The following CFAP44 variants were observed in gnomAD, a reference collection of about 807,000 sequenced individuals.
The protein encoded by CFAP44 is cilia and flagella associated protein 44.
In CFAP44, 134 loss-of-function variants were observed where a neutral mutation model predicts 216.2. The ratio of observed to expected loss-of-function variants is 0.62; its 90% CI spans 0.54 to 0.72. The LOEUF (loss-of-function observed/expected upper bound fraction) is 0.72. Among genes scored for constraint, CFAP44 ranks in the 30% least tolerant of loss-of-function variants. CFAP44 has a pLI of 0.00. For missense variants in CFAP44, 2,035 were observed against 2,182.1 expected, an observed-to-expected ratio of 0.93 and a Z score of 1.34; for synonymous variants, 700 against 727.6, an observed-to-expected ratio of 0.96 and a Z score of 0.61.
chr3:113,422,497 G>A lies in CFAP44; in HGVS notation c.408-2318C>T, dbSNP rs116172873. Among the ~76,000 whole-genome samples the A allele has an allele frequency of 8.9e-3, 1,356 of 152,202 alleles. 18 individuals are homozygous for A. The highest frequency in any genetic ancestry group is 0.03 in the African/African-American group (1,264 of 41,514). ...AAAGAGAGAGATAAAGCATTTCAGG[G>A]TACTGGATCTGTTCAAGAAAAAGAA... On this transcript the variant is annotated intron_variant, in intron 4 of 34. Transcript: ENST00000393845.
In CFAP44 at chr3:113,315,290, T is replaced by C. The variant is rs574024569; in HGVS notation, c.4517-7022A>G. Among the ~76,000 whole-genome samples, 10 of 152,254 alleles carry C rather than the reference T, an allele frequency of 6.6e-5. No individual in the cohort carries two copies. In the East Asian group the frequency reaches 1.9e-3, roughly 29 times the overall value. On this transcript the variant is annotated intron_variant, in intron 28 of 34. Coordinates refer to ENST00000393845, the MANE Select transcript of CFAP44 (RefSeq NM_001164496.2). Reference sequence around the variant, plus strand: ...CAAAGCAGGAGCAGCTATATTAATGTCAGACAAATAGACTTTAGAGCAAAG... The same window carrying C: ...CAAAGCAGGAGCAGCTATATTAATGCCAGACAAATAGACTTTAGAGCAAAG...
chr3:113,349,427 G>A (rs760953032), intron 22 of CFAP44, among the ~76,000 whole-genome samples: 5 of 152,162 alleles, frequency 3.3e-5, no homozygotes, highest in African/African-American at 9.7e-5. Context: ...AAGGAAAAGC[G>A]AGATCAGAGA....
At chr3:113,429,896 G>GT (rs1221361701) in intron 2 of CFAP44, among the ~76,000 whole-genome samples, 1 of 152,010 alleles carries the variant, frequency 6.6e-6, no homozygotes, top group Non-Finnish European at 1.5e-5. Flanking sequence ...ATAGTAACAC[G>GT]TATCTTTCAG....
At chr3:113,403,202 C>T (rs2107362922) in intron 9 of CFAP44, among the ~76,000 whole-genome samples, 1 of 152,254 alleles carries the variant, frequency 6.6e-6, no homozygotes, top group East Asian at 1.9e-4. Flanking sequence ...AAGAGGACTA[C>T]AAGGCAAATC....
rs746419615 is a variant in CFAP44 at position 113,309,586 on chromosome 3, G to A, written c.4517-1318C>T. On this transcript the variant is annotated intron_variant, in intron 28 of 34. Coordinates refer to ENST00000393845, the MANE Select transcript of CFAP44 (RefSeq NM_001164496.2). ...ATCTGTCCCTAAGGGTTTTGGATAAGGGGTTGTAGACCTTTCCACTCCAAC... is the reference window on the plus strand; with the variant it reads ...ATCTGTCCCTAAGGGTTTTGGATAAAGGGTTGTAGACCTTTCCACTCCAAC... Among the ~76,000 whole-genome samples, 150 of 152,194 alleles carry A rather than the reference G, an allele frequency of 9.9e-4. 2 individuals carry two copies. Among genetic ancestry groups the A allele is most frequent in the Middle Eastern group, 3.4e-3 (1 of 294 alleles).
chr3:113,373,359 A>AT, intron 18 of CFAP44, 52 bp downstream of exon 18: 3 of 1,396,668 alleles, frequency 2.1e-6, no homozygotes, highest in Non-Finnish European at 1.9e-6. Flanking sequence ...GAACAAAAGC[A>AT]TAGACACTAA....
At chr3:113,440,212 C>T (rs1031017983) in intron 1 of CFAP44, among the ~76,000 whole-genome samples, 3 of 152,086 alleles carry the variant, frequency 2.0e-5, no homozygotes, top group African/African-American at 4.8e-5. Flanking sequence ...TACAGGCGCA[C>T]ACCACCTCGC....
At chr3:113,380,614 C>G (rs10934228) in intron 16 of CFAP44, among the ~76,000 whole-genome samples, 60,545 of 151,926 alleles carry the variant, frequency 0.4, 14,381 homozygotes, top group Admixed American at 0.55. Flanking sequence ...TCTTTAGGTA[C>G]TAAATGTCAC....
chr3:113,292,855 G>C (rs1224117677), intron 34 of CFAP44, among the ~76,000 whole-genome samples: 1 of 152,212 alleles, frequency 6.6e-6, no homozygotes, highest in Non-Finnish European at 1.5e-5. Context: ...CTTCCAGCTA[G>C]AGAGAGCTAA....
intron 24 of CFAP44, among the ~76,000 whole-genome samples, chr3:113,338,194 T>C (rs974515545): frequency 4.2e-5 from 6 of 141,916 alleles, no homozygotes; most frequent in African/African-American, 1.6e-4. Context: ...GAGGCGGAGT[T>C]TGCAGTGAGC....
intron 22 of CFAP44, 76 bp downstream of exon 22, chr3:113,358,669 A>G: frequency 6.7e-7 from 1 of 1,486,052 alleles, no homozygotes; most frequent in East Asian, 2.5e-5. Context: ...TGGCCACTTC[A>G]CTGACACTAC....
At position 113,400,641 on chromosome 3, in the gene CFAP44, G is replaced by A. The variant is rs374171513; in HGVS notation, c.1378C>T (p.Gln460Ter). ...KLDLSFSNIT[Q>*]DPECLFSFHS... ...AAGGAGAAGAGGCATTCTGGGTCCT[G>A]GGTCTGAGAATAGATAGACAGCTTA... is the stretch of plus-strand genomic sequence containing the variant. The change falls in exon 12 of 35, where the codon CAG becomes TAG. Residue 460 changes from glutamine (Q) to a stop codon, truncating the protein, a stop_gained. Transcript: ENST00000393845. LOFTEE classifies it high-confidence loss of function. 6.8e-6 allele frequency: 11 copies of A among 1,609,270 alleles called. No homozygotes were observed. The highest frequency in any genetic ancestry group is 9.3e-6 in the Non-Finnish European group (11 of 1,177,900).
intron 2 of CFAP44, among the ~76,000 whole-genome samples, chr3:113,428,570 A>G (rs1935024000): frequency 6.6e-6 from 1 of 152,246 alleles, no homozygotes; most frequent in Non-Finnish European, 1.5e-5. Flanking sequence ...TGAAGAATAA[A>G]TCAGTATTTG....
At chr3:113,392,657 A>G (rs546324060) in intron 15 of CFAP44, among the ~76,000 whole-genome samples, 17 of 152,258 alleles carry the variant, frequency 1.1e-4, no homozygotes, top group Non-Finnish European at 2.1e-4. Context: ...TTATCAAAAT[A>G]TCTCATGTAC....
At position 113,328,777 on chromosome 3, in the gene CFAP44, T is replaced by C. The variant is rs934259397; in HGVS notation, c.4117-958A>G. Among the ~76,000 whole-genome samples the C allele has an allele frequency of 2.8e-5, 4 of 144,538 alleles. No homozygotes were observed. The South Asian group carries it at 9.2e-4, about 33-fold the overall frequency. 94.8% of individuals were successfully genotyped at this position (144,538 alleles called of 152,430 possible). On this transcript the variant is annotated intron_variant, in intron 26 of 34. Transcript: ENST00000393845. Reference sequence around the variant, plus strand: ...CTTTTAAGTAACCATCTCTATAGACTATATGTTTGGGCTCCCCTTTAAAGC... The same window carrying C: ...CTTTTAAGTAACCATCTCTATAGACCATATGTTTGGGCTCCCCTTTAAAGC...
rs1345940561 is a variant in CFAP44 at position 113,303,987 on chromosome 3, A to T, written c.5006T>A (p.Leu1669His). Residue 1669 changes from leucine (L) to histidine (H), a missense_variant, in exon 32 of 35, where the codon CTT becomes CAT. Coordinates refer to ENST00000393845, the MANE Select transcript of CFAP44 (RefSeq NM_001164496.2). ...ACGTCTCTCTCTCCATTCTTTGTTAAGTTTTTGCTGCTTGGAATTTTCCTC... is the reference window on the plus strand; with the variant it reads ...ACGTCTCTCTCTCCATTCTTTGTTATGTTTTTGCTGCTTGGAATTTTCCTC... ...LQEENSKQQK[L>H]NKEWRERRKQ... is the part of the protein sequence containing the mutation. 1 of 1,537,488 alleles carries T rather than the reference A, an allele frequency of 6.5e-7. No homozygotes were observed. The highest frequency in any genetic ancestry group is 1.2e-5 in the South Asian group (1 of 84,032).
chr3:113,340,328 T>G (rs1419767123), intron 24 of CFAP44, among the ~76,000 whole-genome samples: 2 of 151,982 alleles, frequency 1.3e-5, no homozygotes, highest in African/African-American at 4.8e-5. Context: ...AAAAAAGAGA[T>G]AAGAACCATT....
chr3:113,306,600 C>A (rs1949987964), intron 29 of CFAP44, among the ~76,000 whole-genome samples: 1 of 152,158 alleles, frequency 6.6e-6, no homozygotes, highest in African/African-American at 2.4e-5. Context: ...ACTCAAGGCT[C>A]ATAGACCCTG....
chr3:113,371,741 CTAAAG>C (rs909869978), intron 18 of CFAP44, among the ~76,000 whole-genome samples: 1 of 152,174 alleles, frequency 6.6e-6, no homozygotes, highest in African/African-American at 2.4e-5. Context: ...TCTAATTAAA[CTAAAG>C]TGCTTCTGCA....
Sources: gnomAD v4.1 joint callset for allele counts (sites outside exome capture counted in the v4.1 genomes callset) on GRCh38, gnomAD v4.1.1 for gene constraint, MANE v1.5 for transcripts, NCBI Gene and HGNC (gene_info 2026-07-23, HGNC 2026-07-21) for gene names.